The following CHRNB1 variants were observed in gnomAD, a reference collection of about 807,000 sequenced individuals.
The protein encoded by CHRNB1 is cholinergic receptor nicotinic beta 1 subunit.
Under a neutral mutation model 53.8 loss-of-function variants are expected in CHRNB1, and 47 were observed. The ratio of observed to expected loss-of-function variants is 0.87; its 90% CI spans 0.69 to 1.11. The LOEUF (loss-of-function observed/expected upper bound fraction) is 1.11. Ranked by LOEUF, CHRNB1 falls within the 50% of genes most tolerant of loss-of-function variation. The probability of loss-of-function intolerance (pLI) is 0.00; values close to 1 mark genes in which losing one functional copy is unlikely to be tolerated. For synonymous variants in CHRNB1, 259 were observed against 263.5 expected (o/e 0.98, Z 0.16); for missense variants, 605 against 654.9 (o/e 0.92, Z 0.83).
chr17:7,456,589 G>A lies in CHRNB1; in HGVS notation c.1372G>A (p.Glu458Lys). ...QEQEDHDALK[E>K]DWQFVAMVVD... ...TTCCTTTGCCTACCCACAGCTGAAG[G>A]AGGACTGGCAGTTTGTGGCCATGGT... Residue 458 changes from glutamate to lysine, a missense_variant, in exon 11 of 11, where the codon GAG (glutamate) becomes AAG (lysine). Physicochemically the swap from Glu to Lys is moderately conservative, Grantham distance 56. Coordinates refer to ENST00000306071, the MANE Select transcript of CHRNB1 (RefSeq NM_000747.3). The A allele has an allele frequency of 1.2e-6, 2 of 1,614,140 alleles. 1 individual carries two copies.
Position 7,445,438 on chromosome 17 carries a change from G to A in CHRNB1, c.198+29G>A, listed in dbSNP as rs1342389742. 2 of 1,608,098 alleles carry A rather than the reference G, an allele frequency of 1.2e-6. No individual in the cohort carries two copies. The highest frequency in any genetic ancestry group is 1.1e-5 in the South Asian group (1 of 90,656). ...AGGGCGCGCGGGGGGTGGAGGTCAG[G>A]CCAGCCGACCGGCCGGGGGCGTGGC... On this transcript the variant is annotated intron_variant, in intron 2 of 10. Coordinates refer to ENST00000306071, the MANE Select transcript of CHRNB1 (RefSeq NM_000747.3). The surrounding 1 kb of genome is among the most constrained non-coding windows in gnomAD (Gnocchi z 5.7).
chr17:7,448,386 CA>C (rs1427191619), intron 6 of CHRNB1, among the ~76,000 whole-genome samples, 192 bp from the exon 7 acceptor site: 6 of 152,088 alleles, frequency 3.9e-5, no homozygotes, highest in African/African-American at 1.2e-4. Context: ...AACTCTGTCT[CA>C]AAATAAATAA....
rs79209506 is a variant in CHRNB1, at chr17:7,455,278, C to G, written c.1045-6C>G. The G allele has an allele frequency of 4.9e-3, 7,878 of 1,614,028 alleles. 32 individuals are homozygous for G. Among genetic ancestry groups the G allele is most frequent in the Non-Finnish European group, 5.8e-3 (6,821 of 1,179,934 alleles). On this transcript the variant is annotated splice_polypyrimidine_tract_variant and splice_region_variant and intron_variant, in intron 8 of 10. Transcript: ENST00000306071. ...CCCCCACCAATACGCCTCTTCTACTCTGCAGATCTTCATTCACAAACTTCC... is the reference window on the plus strand; with the variant it reads ...CCCCCACCAATACGCCTCTTCTACTGTGCAGATCTTCATTCACAAACTTCC...
In CHRNB1 at chr17:7,454,574, G is replaced by T. The variant is rs1909005599; in HGVS notation, c.1044+54G>T. ...ATTTTCCTTTTACAGACCATAGGGAGAACTATAGCTATGTGGCAGAGTGTT... is the reference window on the plus strand; with the variant it reads ...ATTTTCCTTTTACAGACCATAGGGATAACTATAGCTATGTGGCAGAGTGTT... On this transcript the variant is annotated intron_variant, in intron 8 of 10. Coordinates refer to ENST00000306071, the MANE Select transcript of CHRNB1 (RefSeq NM_000747.3). 2.8e-6 allele frequency: 4 copies of T among 1,405,684 alleles called. No individual in the cohort carries two copies. In the East Asian group the frequency reaches 9.1e-5, roughly 32 times the overall value. The allele number at this position is 1,405,684 out of a possible 1,614,324, so 87.1% of individuals were successfully genotyped here.
In CHRNB1 at chr17:7,446,657, T is replaced by A. The variant is rs147388314; in HGVS notation, c.244-176T>A. On this transcript the variant is annotated intron_variant, in intron 3 of 10. Transcript: ENST00000306071. ...CCCGGTGCGGGGGAGGGAAATTAGCTGATGTGGATCCCAGCGAGTGAAGGC... is the reference window on the plus strand; with the variant it reads ...CCCGGTGCGGGGGAGGGAAATTAGCAGATGTGGATCCCAGCGAGTGAAGGC... 4.4e-5 allele frequency: 27 copies of A among 611,622 alleles called. No homozygotes were observed. In the East Asian group the frequency reaches 6.9e-4, roughly 16 times the overall value. 37.9% of individuals were successfully genotyped at this position (611,622 alleles called of 1,614,324 possible).
chr17:7,455,546 A>C (rs2069940986), intron 9 of CHRNB1, 90 bp downstream of exon 9: 1 of 1,488,994 alleles, frequency 6.7e-7, no homozygotes, highest in African/African-American at 1.4e-5. Context: ...ATGCTCTCGG[A>C]AGACGCTGTG....
chr17:7,452,142 G>A (rs951801240), intron 7 of CHRNB1, among the ~76,000 whole-genome samples: 9 of 148,718 alleles, frequency 6.1e-5, no homozygotes, highest in Admixed American at 1.4e-4. Context: ...TGCAACCTCC[G>A]CCTCCCGGGT....
intron 9 of CHRNB1, 77 bp downstream of exon 9, chr17:7,455,533 C>T (rs913733564): frequency 1.3e-6 from 2 of 1,562,460 alleles, no homozygotes; most frequent in Non-Finnish European, 1.8e-6. Flanking sequence ...GAAGAAGCGG[C>T]CCATGCTCTC....
chr17:7,445,517 A>G lies in CHRNB1; in HGVS notation c.198+108A>G. ...TGGGGGCGGGGCCTGGGACGAGACCAGGCTGAGATGGACCAGCCTTTGGTG... is the reference window on the plus strand; with the variant it reads ...TGGGGGCGGGGCCTGGGACGAGACCGGGCTGAGATGGACCAGCCTTTGGTG... On this transcript the variant is annotated intron_variant, in intron 2 of 10. Transcript: ENST00000306071. The surrounding 1 kb of genome is among the most constrained non-coding windows in gnomAD (Gnocchi z 5.7). 1 of 1,539,626 alleles carries G rather than the reference A, an allele frequency of 6.5e-7. No individual in the cohort carries two copies. The highest frequency in any genetic ancestry group is 1.2e-5 in the South Asian group (1 of 84,502).
At chr17:7,446,493 C>T in intron 3 of CHRNB1, 1 of 514,160 alleles carries the variant, frequency 1.9e-6, no homozygotes, top group Non-Finnish European at 3.5e-6. Context: ...GCACCTGGCC[C>T]ATTCTAATTT....
At position 7,447,140 on chromosome 17, in the gene CHRNB1, T is replaced by G. The variant is rs1216520245; in HGVS notation, c.451T>G (p.Cys151Gly). The G allele has an allele frequency of 7.4e-6, 12 of 1,613,892 alleles. No individual in the cohort carries two copies. Among genetic ancestry groups the G allele is most frequent in the Non-Finnish European group, 8.5e-6 (10 of 1,179,850 alleles). The change falls in exon 5 of 11, where the codon TGC becomes GGC. Residue 151 changes from cysteine to glycine, a missense_variant. Physicochemically the swap from Cys to Gly is radical, Grantham distance 159. Coordinates refer to ENST00000306071, the MANE Select transcript of CHRNB1 (RefSeq NM_000747.3). ...WQPPGIYRSS[C>G]SIQVTYFPFD... Reference sequence around the variant, plus strand: ...ACCCCCGGGCATCTATCGCAGCAGCTGCAGCATCCAGGTTTCCGGCCTCCA... The same window carrying G: ...ACCCCCGGGCATCTATCGCAGCAGCGGCAGCATCCAGGTTTCCGGCCTCCA...
rs747533360 is a variant in CHRNB1, at chr17:7,447,035, C to G, written c.354-8C>G. 20 of 1,613,832 alleles carry G rather than the reference C, an allele frequency of 1.2e-5. No individual in the cohort carries two copies. The South Asian group carries it at 2.2e-4, about 18-fold the overall frequency. Reference sequence around the variant, plus strand: ...GGCCTGATCCCTGATGAGATCCCTTCTCTGCAGCAATGATGGGAATTTTGA... The same window carrying G: ...GGCCTGATCCCTGATGAGATCCCTTGTCTGCAGCAATGATGGGAATTTTGA... On this transcript the variant is annotated splice_region_variant and splice_polypyrimidine_tract_variant and intron_variant, in intron 4 of 10. Coordinates refer to ENST00000306071, the MANE Select transcript of CHRNB1 (RefSeq NM_000747.3).
rs888524573 is a variant in CHRNB1, at chr17:7,446,355, G to C, written c.243+242G>C. 9.3e-5 allele frequency: 54 copies of C among 581,648 alleles called. No individual in the cohort carries two copies. The African/African-American group carries it at 9.7e-4, about 10-fold the overall frequency. 36.0% of individuals were successfully genotyped at this position (581,648 alleles called of 1,614,324 possible). A position where few individuals can be genotyped will look rare whatever the true frequency, so the allele number is the denominator to read the frequency against. ...TGTGTGTGTGTGTGTGTGTGTGTGT[G>C]TGTGTGTGTGTGTGTGTGATGCGGT... is the stretch of plus-strand genomic sequence containing the variant. On this transcript the variant is annotated intron_variant, in intron 3 of 10. Coordinates refer to ENST00000306071, the MANE Select transcript of CHRNB1 (RefSeq NM_000747.3).
rs1351182231 is a variant in CHRNB1 at position 7,453,090 on chromosome 17, T to C, written c.821-1207T>C. ...GAGTAGCTTTGGTAGTAAGATAATT[T>C]AGTTTTGGACATTTTGTTTTATTTT... On this transcript the variant is annotated intron_variant, in intron 7 of 10. Transcript: ENST00000306071. 6.6e-5 allele frequency among the ~76,000 whole-genome samples: 10 copies of C among 152,170 alleles called. No homozygotes were observed. In the South Asian group the frequency reaches 2.1e-3, roughly 32 times the overall value.
rs1295728069 is a variant in CHRNB1, at chr17:7,448,730, C to G, written c.762C>G (p.Ala254=). The change falls in exon 7 of 11, where the codon GCC becomes GCG. Residue 254 remains alanine, a synonymous_variant. Transcript: ENST00000306071. ...TCTTCTACCTGGTCAACGTCATTGC[C>G]CCATGCATCCTCATCACTCTTCTGG... is the stretch of plus-strand genomic sequence containing the variant. ...KPLFYLVNVI[A]PCILITLLAI... 1 of 1,614,228 alleles carries G rather than the reference C, an allele frequency of 6.2e-7. No individual in the cohort carries two copies. Among genetic ancestry groups the G allele is most frequent in the Non-Finnish European group, 8.5e-7 (1 of 1,180,040 alleles).
rs76022493 is a variant in CHRNB1, at chr17:7,448,657, G to A, written c.689G>A (p.Gly230Glu). 71 of 1,614,150 alleles carry A rather than the reference G, an allele frequency of 4.4e-5. No individual in the cohort carries two copies. In the African/African-American group the frequency reaches 8.8e-4, roughly 20 times the overall value. Residue 230 changes from glycine (G) to glutamate (E), a missense_variant, in exon 7 of 11, where the codon GGA (glycine) becomes GAA (glutamate). By Grantham distance (98) the Gly-to-Glu change is moderately conservative. Coordinates refer to ENST00000306071, the MANE Select transcript of CHRNB1 (RefSeq NM_000747.3). ...GGCGATCCTAGGGGAGGGAGGGAAGGACAGCGCCAGGAAGTCATCTTCTAC... is the reference window on the plus strand; with the variant it reads ...GGCGATCCTAGGGGAGGGAGGGAAGAACAGCGCCAGGAAGTCATCTTCTAC... ...PPGDPRGGRE[G>E]QRQEVIFYLI...
At position 7,454,297 on chromosome 17, in the gene CHRNB1, G is replaced by T; in HGVS notation, c.821G>T (p.Gly274Val). 1 of 1,613,476 alleles carries T rather than the reference G, an allele frequency of 6.2e-7. No homozygotes were observed. The highest frequency in any genetic ancestry group is 1.7e-5 in the Admixed American group (1 of 60,018). Residue 274 changes from glycine (G) to valine (V), a missense_variant and splice_region_variant, in exon 8 of 11, where the codon GGA becomes GTA. Coordinates refer to ENST00000306071, the MANE Select transcript of CHRNB1 (RefSeq NM_000747.3). ...TCTCTCTTCCCCTCTGCCCTCCAAG[G>T]AGAGAAGATGGGGCTCTCAATCTTT... ...IFVFYLPPDA[G>V]EKMGLSIFAL...
chr17:7,455,702 C>T (rs2069942652), intron 9 of CHRNB1, 92 bp from the exon 10 acceptor site: 2 of 1,552,122 alleles, frequency 1.3e-6, no homozygotes, highest in African/African-American at 1.4e-5. Context: ...GTTTTGAGAA[C>T]TGGCAAGTTG....
intron 7 of CHRNB1, among the ~76,000 whole-genome samples, chr17:7,451,274 C>CTTTTTTTTTTTTTTTTTTTT (rs34769424): frequency 1.6e-4 from 15 of 92,020 alleles, no homozygotes; most frequent in South Asian, 3.8e-4. Flanking sequence ...CTTTTCTTTT[C>CTTTTTTTTTTTTTTTTTTTT]TTTTTTTTTT....
Sources: gnomAD v4.1 joint callset for allele counts (sites outside exome capture counted in the v4.1 genomes callset) on GRCh38, gnomAD v4.1.1 for gene constraint, Gnocchi (gnomAD v3.1) non-coding constraint, MANE v1.5 for transcripts, NCBI Gene and HGNC (gene_info 2026-07-23, HGNC 2026-07-21) for gene names.